The following TGFB3 variants were observed in gnomAD, a reference collection of about 807,000 sequenced individuals.
TGFB3 encodes transforming growth factor beta 3, also known as transforming growth factor beta-3 proprotein.
In TGFB3, 5 loss-of-function variants were observed where a neutral mutation model predicts 40.1. The ratio of observed to expected loss-of-function variants is 0.12; its 90% CI spans 0.07 to 0.26. The LOEUF (loss-of-function observed/expected upper bound fraction) is 0.26, where lower values mean the gene tolerates loss of function less well. Among genes scored for constraint, TGFB3 ranks in the 10% least tolerant of loss-of-function variants. TGFB3 has a pLI of 1.00. For synonymous variants in TGFB3, 184 were observed against 205.6 expected, an observed-to-expected ratio of 0.89 and a Z score of 0.90; for missense variants, 373 against 530.1, an observed-to-expected ratio of 0.70 and a Z score of 2.91.
In TGFB3 at chr14:75,980,462, C is replaced by T; in HGVS notation, c.352+80G>A. ...CTGGGGCACCCTGCTGTGTGGCCAGCACTAGGCCCCCCTCTGCAGAGCTCC... is the reference window on the plus strand; with the variant it reads ...CTGGGGCACCCTGCTGTGTGGCCAGTACTAGGCCCCCCTCTGCAGAGCTCC... On this transcript the variant is annotated intron_variant, in intron 1 of 6. Coordinates refer to ENST00000238682, the MANE Select transcript of TGFB3 (RefSeq NM_003239.5). This position sits in a 1 kb window ranked among gnomAD's most constrained non-coding sequence, Gnocchi z 4.3. 1 of 1,429,190 alleles carries T rather than the reference C, an allele frequency of 7.0e-7. No homozygotes were observed. Among genetic ancestry groups the T allele is most frequent in the South Asian group, 1.1e-5 (1 of 87,140 alleles). 88.5% of individuals were successfully genotyped at this position (1,429,190 alleles called of 1,614,324 possible). A position where few individuals can be genotyped will look rare whatever the true frequency, so the allele number is the denominator to read the frequency against.
In TGFB3 at chr14:75,971,163, A is replaced by C. The variant is rs1331320163; in HGVS notation, c.609T>G (p.Asp203Glu). 3.1e-6 allele frequency: 5 copies of C among 1,614,178 alleles called. No homozygotes were observed. The highest frequency in any genetic ancestry group is 4.2e-6 in the Non-Finnish European group (5 of 1,180,036). The change falls in exon 3 of 7, where the codon GAT becomes GAG. Residue 203 changes from aspartate (D) to glutamate (E), a missense_variant. Physicochemically the swap from Asp to Glu is conservative, Grantham distance 45 (BLOSUM62 2). Coordinates refer to ENST00000238682, the MANE Select transcript of TGFB3 (RefSeq NM_003239.5). The surrounding 1 kb of genome is among the most constrained non-coding windows in gnomAD (Gnocchi z 4.5). ...GCCACTCACGCACAGTGTCAGTGAC[A>C]TCAAAGGACAGCCACTCGGCAGTGC... ...TRGTAEWLSF[D>E]VTDTVREWLL...
In TGFB3 at chr14:75,979,231, G is replaced by C. The variant is rs1439968231; in HGVS notation, c.352+1311C>G. Among the ~76,000 whole-genome samples, 1 of 152,146 alleles carries C rather than the reference G, an allele frequency of 6.6e-6. No homozygotes were observed. The highest frequency in any genetic ancestry group is 2.4e-5 in the African/African-American group (1 of 41,438). Reference sequence around the variant, plus strand: ...CTCTGCCTGGCGTGGAGCCGTGAACGGGGCCTTTGCACCTCCAGCCAGAGC... The same window carrying C: ...CTCTGCCTGGCGTGGAGCCGTGAACCGGGCCTTTGCACCTCCAGCCAGAGC... On this transcript the variant is annotated intron_variant, in intron 1 of 6. Coordinates refer to ENST00000238682, the MANE Select transcript of TGFB3 (RefSeq NM_003239.5). The surrounding 1 kb of genome is among the most constrained non-coding windows in gnomAD (Gnocchi z 4.8).
At position 75,981,968 on chromosome 14, in the gene TGFB3, A is replaced by T. The variant is rs185155869; in HGVS notation, c.-1075T>A. Among the ~76,000 whole-genome samples the T allele has an allele frequency of 1.5e-3, 218 of 148,578 alleles. 2 individuals are homozygous for T. The highest frequency in any genetic ancestry group is 4.2e-3 in the African/African-American group (170 of 40,272). On this transcript the variant is annotated 5_prime_UTR_variant, in exon 1 of 7. Coordinates refer to ENST00000238682, the MANE Select transcript of TGFB3 (RefSeq NM_003239.5). This position sits in a 1 kb window ranked among gnomAD's most constrained non-coding sequence, Gnocchi z 4.7. ...TCTCGCTCCTCTCCCTCTCTCTCTC[A>T]CACACACACACATGCACACACACTG...
At chr14:75,962,037 T>G (rs1159683226) in intron 5 of TGFB3, among the ~76,000 whole-genome samples, 2 of 152,202 alleles carry the variant, frequency 1.3e-5, no homozygotes, top group Non-Finnish European at 2.9e-5. Context: ...CCTTCTTGTC[T>G]TAAATGTGGA....
chr14:75,976,826 G>A (rs2035358727), intron 1 of TGFB3, among the ~76,000 whole-genome samples: 1 of 152,104 alleles, frequency 6.6e-6, no homozygotes, highest in Non-Finnish European at 1.5e-5. Flanking sequence ...ATTTCCTGCC[G>A]GGTCTCTGTA....
rs1234848884 is a variant in TGFB3 at position 75,965,692 on chromosome 14, G to T, written c.650C>A (p.Ser217Tyr). 1 of 1,613,426 alleles carries T rather than the reference G, an allele frequency of 6.2e-7. No homozygotes were observed. Among genetic ancestry groups the T allele is most frequent in the African/African-American group, 1.3e-5 (1 of 74,918 alleles). ...TVREWLLRRE[S>Y]NLGLEISIHC... The stretch of plus-strand genomic sequence containing the variant: ...AATGCTGATTTCTAGACCTAAGTTG[G>T]ACTCTGCAAAATAAGACAGAATTAG... Residue 217 changes from serine to tyrosine, a missense_variant, in exon 4 of 7, where the codon TCC (serine) becomes TAC (tyrosine). Ser to Tyr is a moderately radical substitution (Grantham distance 144, BLOSUM62 -2). Transcript: ENST00000238682.
rs541129708 is a variant in TGFB3 at position 75,974,955 on chromosome 14, G to T, written c.353-3237C>A. On this transcript the variant is annotated intron_variant, in intron 1 of 6. Transcript: ENST00000238682. ...AAAATACGAAAATTAGCTGGGCATG[G>T]TAGCACATGTCTGTTATTTCAGCTA... is the stretch of plus-strand genomic sequence containing the variant. Among the ~76,000 whole-genome samples, 165 of 151,996 alleles carry T rather than the reference G, an allele frequency of 1.1e-3. 3 individuals carry two copies. The South Asian group carries it at 0.02, about 18-fold the overall frequency.
At chr14:75,963,273 A>T in intron 5 of TGFB3, 43 bp downstream of exon 5, 1 of 1,611,878 alleles carries the variant, frequency 6.2e-7, no homozygotes, top group Non-Finnish European at 8.5e-7. Flanking sequence ...ATTGGGCAGT[A>T]GGCAGGCAGT....
At chr14:75,965,038 C>T (rs763554916) in intron 4 of TGFB3, among the ~76,000 whole-genome samples, 3 of 152,172 alleles carry the variant, frequency 2.0e-5, no homozygotes, top group Non-Finnish European at 2.9e-5. Context: ...TCAACGACTT[C>T]GCCATCTCTA....
chr14:75,977,405 A>G (rs3917161), intron 1 of TGFB3, among the ~76,000 whole-genome samples: 8,938 of 152,250 alleles, frequency 0.059, 290 homozygotes, highest in South Asian at 0.11. Flanking sequence ...AATTAGAAAA[A>G]GGATTACAGA....
At chr14:75,961,889 G>A (rs147151149) in intron 5 of TGFB3, among the ~76,000 whole-genome samples, 1 of 152,158 alleles carries the variant, frequency 6.6e-6, no homozygotes, top group Admixed American at 6.5e-5. Context: ...AGTAGCGGTG[G>A]TCATGTGACC....
At chr14:75,961,194 A>G (rs561869503) in intron 5 of TGFB3, 118 bp from the exon 6 acceptor site, 17 of 1,202,162 alleles carry the variant, frequency 1.4e-5, no homozygotes, top group Admixed American at 2.0e-5. Flanking sequence ...GCTCTGATCA[A>G]TGGAATCCCA....
intron 5 of TGFB3, among the ~76,000 whole-genome samples, chr14:75,962,070 A>G (rs989610695): frequency 6.6e-6 from 1 of 152,136 alleles, no homozygotes; most frequent in African/African-American, 2.4e-5. Flanking sequence ...AGCCCTAGCA[A>G]TCACTTGTGA....
In TGFB3 at chr14:75,958,688, C is replaced by T. The variant is rs2140234007; in HGVS notation, c.*499G>A. 1 of 210,426 alleles carries T rather than the reference C, an allele frequency of 4.8e-6. No individual in the cohort carries two copies. The highest frequency in any genetic ancestry group is 1.1e-4 in the East Asian group (1 of 8,928). 13.0% of individuals were successfully genotyped at this position (210,426 alleles called of 1,614,324 possible). A position where few individuals can be genotyped will look rare whatever the true frequency, so the allele number is the denominator to read the frequency against. On this transcript the variant is annotated 3_prime_UTR_variant, in exon 7 of 7. Transcript: ENST00000238682. The stretch of plus-strand genomic sequence containing the variant: ...ATGAGATACAATTCTGGGACTTTGT[C>T]TTCGTAACCTGTCTTTAAAAAAAAA...
rs2035423945 is a variant in TGFB3 at position 75,981,004 on chromosome 14, G to A, written c.-111C>T. 6.1e-6 allele frequency: 6 copies of A among 976,098 alleles called. No homozygotes were observed. Among genetic ancestry groups the A allele is most frequent in the Non-Finnish European group, 9.7e-6 (6 of 621,132 alleles). The allele number at this position is 976,098 out of a possible 1,614,324, so 60.5% of individuals were successfully genotyped here. On this transcript the variant is annotated 5_prime_UTR_variant, in exon 1 of 7. Transcript: ENST00000238682. The surrounding 1 kb of genome is among the most constrained non-coding windows in gnomAD (Gnocchi z 4.7). Reference sequence around the variant, plus strand: ...CCAGGCGGCCTCCCCAGATCCCAAAGACTGAGGCTTGGCAAGAAGGTGCAT... The same window carrying A: ...CCAGGCGGCCTCCCCAGATCCCAAAAACTGAGGCTTGGCAAGAAGGTGCAT...
chr14:75,963,167 C>G (rs2035178109), intron 5 of TGFB3, 149 bp downstream of exon 5: 1 of 906,310 alleles, frequency 1.1e-6, no homozygotes, highest in Admixed American at 2.0e-5. Flanking sequence ...GAGAAAATCT[C>G]TGTGAGAGAT....
Position 75,971,865 on chromosome 14 carries a change from G to A in TGFB3, c.353-147C>T. ...CTCAGACCGCAAGGTGGAGATACGA[G>A]GAAGATTCTTGGTGGCCCTAGAATC... is the stretch of plus-strand genomic sequence containing the variant. On this transcript the variant is annotated intron_variant, in intron 1 of 6. Coordinates refer to ENST00000238682, the MANE Select transcript of TGFB3 (RefSeq NM_003239.5). The surrounding 1 kb of genome is among the most constrained non-coding windows in gnomAD (Gnocchi z 4.5). 1 of 824,942 alleles carries A rather than the reference G, an allele frequency of 1.2e-6. No individual in the cohort carries two copies. The highest frequency in any genetic ancestry group is 1.9e-6 in the Non-Finnish European group (1 of 516,518). 51.1% of individuals were successfully genotyped at this position (824,942 alleles called of 1,614,324 possible).
rs550240575 is a variant in TGFB3, at chr14:75,980,195, C to T, written c.352+347G>A. ...CCTTCCCCTTTATGGCACCCAGATG[C>T]TTACAGTTACTGATACGATCGCATG... On this transcript the variant is annotated intron_variant, in intron 1 of 6. Transcript: ENST00000238682. The surrounding 1 kb of genome is among the most constrained non-coding windows in gnomAD (Gnocchi z 4.3). 2.0e-4 allele frequency among the ~76,000 whole-genome samples: 31 copies of T among 152,348 alleles called. No homozygotes were observed. Among genetic ancestry groups the T allele is most frequent in the African/African-American group, 7.2e-4 (30 of 41,576 alleles).
intron 4 of TGFB3, among the ~76,000 whole-genome samples, chr14:75,964,254 C>T (rs145048633): frequency 1.3e-5 from 2 of 152,182 alleles, no homozygotes; most frequent in East Asian, 1.9e-4. Context: ...ACCAAGATAA[C>T]GCAGAAGTCC....
Sources: allele counts gnomAD v4.1 joint callset (sites outside exome capture counted in the v4.1 genomes callset), GRCh38; gene constraint gnomAD v4.1.1; non-coding constraint Gnocchi (gnomAD v3.1); transcripts MANE v1.5; gene names NCBI Gene and HGNC (gene_info 2026-07-23, HGNC 2026-07-21).